MTUS1: variants seen among roughly 807,000 people sequenced by gnomAD.
MTUS1 encodes the protein microtubule-associated tumor suppressor 1.
MTUS1 carries 109 observed loss-of-function variants against 120.8 expected under a neutral mutation model. The observed-to-expected ratio is 0.90, with a 90% CI of 0.77 to 1.06. The LOEUF is 1.06. Among genes scored for constraint, MTUS1 ranks in the 50% least tolerant of loss-of-function variants. The pLI, the probability that MTUS1 is intolerant of heterozygous loss-of-function variation, is 0.00. For missense variants in MTUS1, 2,210 were observed against 1,486.3 expected, an observed-to-expected ratio of 1.49 and a Z score of -8.01; for synonymous variants, 737 against 550.5, an observed-to-expected ratio of 1.34 and a Z score of -4.74.
chr8:17,773,087 T>A (rs2050135652), intron 1 of MTUS1, among the ~76,000 whole-genome samples: 1 of 152,184 alleles, frequency 6.6e-6, no homozygotes, highest in Non-Finnish European at 1.5e-5. Context: ...TAATTTAGGC[T>A]GAAGGACTAT....
At chr8:17,747,606 C>A (rs1422865968) in intron 2 of MTUS1, among the ~76,000 whole-genome samples, 1 of 152,174 alleles carries the variant, frequency 6.6e-6, no homozygotes, top group Admixed American at 6.5e-5. Flanking sequence ...TTAGTTCTTT[C>A]TGAATAATGT....
intron 1 of MTUS1, among the ~76,000 whole-genome samples, chr8:17,788,954 G>A (rs988468426): frequency 6.6e-6 from 1 of 151,902 alleles, no homozygotes; most frequent in African/African-American, 2.4e-5. Flanking sequence ...TACCCCCAGG[G>A]CTTATCAAAG....
At chr8:17,675,368 C>T in intron 7 of MTUS1, 116 bp from the exon 8 acceptor site, 2 of 760,130 alleles carry the variant, frequency 2.6e-6, no homozygotes, top group East Asian at 2.7e-5. Flanking sequence ...AGATATGAAT[C>T]ATTTAGGCTA....
intron 6 of MTUS1, chr8:17,691,274 T>A (rs560263057): frequency 6.6e-6 from 1 of 152,368 alleles, no homozygotes; most frequent in South Asian, 2.1e-4. Flanking sequence ...CCTTTCAACA[T>A]CTCACTTTTA....
chr8:17,725,160 C>G (rs2046135158), intron 3 of MTUS1, among the ~76,000 whole-genome samples: 2 of 152,126 alleles, frequency 1.3e-5, no homozygotes, highest in Non-Finnish European at 1.5e-5. Context: ...GCTACCAGTA[C>G]CACCTAACTG....
intron 1 of MTUS1, among the ~76,000 whole-genome samples, chr8:17,762,799 G>C (rs904205968): frequency 2.0e-5 from 3 of 152,112 alleles, no homozygotes; most frequent in Non-Finnish European, 4.4e-5. Flanking sequence ...TTGGTCAACT[G>C]ACTGATTCAG....
intron 8 of MTUS1, among the ~76,000 whole-genome samples, chr8:17,660,946 G>A (rs1217293261): frequency 3.9e-5 from 6 of 152,166 alleles, no homozygotes; most frequent in Admixed American, 2.6e-4. Context: ...AGGGGCCATC[G>A]CACGCAACTC....
At chr8:17,739,818 A>G (rs376451620) in intron 3 of MTUS1, among the ~76,000 whole-genome samples, 59 of 152,344 alleles carry the variant, frequency 3.9e-4, no homozygotes, top group African/African-American at 1.4e-3. Context: ...TTACTACTAC[A>G]AATAATTTTC....
At chr8:17,673,860 C>T (rs142120575) in intron 8 of MTUS1, among the ~76,000 whole-genome samples, 1 of 152,206 alleles carries the variant, frequency 6.6e-6, no homozygotes, top group Non-Finnish European at 1.5e-5. Context: ...GCAGTGTGGT[C>T]TTGTCCAAAA....
At chr8:17,718,321 T>A (rs891312422) in intron 4 of MTUS1, among the ~76,000 whole-genome samples, 9 of 152,184 alleles carry the variant, frequency 5.9e-5, no homozygotes, top group African/African-American at 2.2e-4. Flanking sequence ...AATTCCAATA[T>A]AAGAGATGCA....
chr8:17,710,967 T>G (rs1437191073), intron 6 of MTUS1, among the ~76,000 whole-genome samples: 1 of 152,174 alleles, frequency 6.6e-6, no homozygotes, highest in African/African-American at 2.4e-5. Context: ...CAGTCGGCAG[T>G]AGTATTTTGA....
intron 1 of MTUS1, among the ~76,000 whole-genome samples, chr8:17,776,169 A>G (rs780252238): frequency 6.6e-6 from 1 of 152,170 alleles, no homozygotes; most frequent in South Asian, 2.1e-4. Context: ...TACAAAATAC[A>G]CTATAACATA....
At chr8:17,651,049 G>A (rs1237423321) in intron 12 of MTUS1, among the ~76,000 whole-genome samples, 1 of 152,204 alleles carries the variant, frequency 6.6e-6, no homozygotes, top group Non-Finnish European at 1.5e-5. Flanking sequence ...GAGGAAACGT[G>A]TTCCACGGGT....
At chr8:17,691,912 T>C (rs1185982707) in intron 6 of MTUS1, 1 of 152,210 alleles carries the variant, frequency 6.6e-6, no homozygotes, top group African/African-American at 2.4e-5. Context: ...TTCTTCCCAA[T>C]GTATTTTATA....
At chr8:17,649,467 G>A (rs535159272) in intron 13 of MTUS1, among the ~76,000 whole-genome samples, 12 of 152,198 alleles carry the variant, frequency 7.9e-5, no homozygotes, top group African/African-American at 2.9e-4. Flanking sequence ...TCTATTAAAC[G>A]TATCCAACTG....
chr8:17,666,036 G>C (rs1435654508), intron 8 of MTUS1, among the ~76,000 whole-genome samples: 1 of 149,418 alleles, frequency 6.7e-6, no homozygotes, highest in Non-Finnish European at 1.5e-5. Flanking sequence ...AGCCTGCAAA[G>C]GCCATTTGCT....
At chr8:17,720,362 A>C (rs1269218440) in intron 4 of MTUS1, among the ~76,000 whole-genome samples, 1 of 152,134 alleles carries the variant, frequency 6.6e-6, no homozygotes, top group South Asian at 2.1e-4. Flanking sequence ...AAAAAAACAA[A>C]AAACAAAAAA....
In MTUS1 at chr8:17,675,195, C is replaced by T. The variant is rs769511472; in HGVS notation, c.2896G>A (p.Gly966Arg). Residue 966 changes from glycine to arginine, a missense_variant, in exon 8 of 15, where the codon GGA (glycine) becomes AGA (arginine). By Grantham distance (125) the Gly-to-Arg change is moderately radical (BLOSUM62 -2). Transcript: ENST00000693296. ...TLSQELVNLR[G>R]ELVTASTTCE... The stretch of plus-strand genomic sequence containing the variant: ...AACAAAAAGCTCTTACCTAGCTCTC[C>T]CCGGAGGTTAACAAGTTCTTGAGAT... The T allele has an allele frequency of 1.4e-5, 22 of 1,613,962 alleles. No individual in the cohort carries two copies. The highest frequency in any genetic ancestry group is 1.7e-5 in the Non-Finnish European group (20 of 1,180,004).
intron 1 of MTUS1, among the ~76,000 whole-genome samples, chr8:17,756,657 T>C (rs1014247510): frequency 8.4e-6 from 1 of 118,828 alleles, no homozygotes; most frequent in East Asian, 2.5e-4. Context: ...CTCCAATTCA[T>C]ATGTCAAGCC....
Sources: gnomAD v4.1 joint callset for allele counts (sites outside exome capture counted in the v4.1 genomes callset) on GRCh38, gnomAD v4.1.1 for gene constraint, MANE v1.5 for transcripts, NCBI Gene and HGNC (gene_info 2026-07-23, HGNC 2026-07-21) for gene names.